Variants in ANKRD28 observed in about 807,000 individuals in gnomAD.
ANKRD28 encodes serine/threonine-protein phosphatase 6 regulatory ankyrin repeat subunit A.
ANKRD28 carries 44 observed loss-of-function variants against 126.5 expected under a neutral mutation model. That is an observed-to-expected ratio of 0.35 (90% CI 0.27 to 0.45). The LOEUF (loss-of-function observed/expected upper bound fraction) is 0.45. Ranked by LOEUF, ANKRD28 falls within the 20% of genes least tolerant of loss-of-function variation. The probability of loss-of-function intolerance (pLI) is 1.00; values close to 1 mark genes in which losing one functional copy is unlikely to be tolerated. For synonymous variants in ANKRD28, 442 were observed against 468.5 expected (o/e 0.94, Z 0.73); for missense variants, 1,110 against 1,316.6 (o/e 0.84, Z 2.43).
intron 13 of ANKRD28, 83 bp from the exon 14 acceptor site, chr3:15,708,147 C>G (rs2071719961): frequency 5.6e-6 from 8 of 1,436,080 alleles, no homozygotes; most frequent in Non-Finnish European, 7.6e-6. Context: ...CTTACTCCTC[C>G]CAGTTACAAA....
intron 1 of ANKRD28, among the ~76,000 whole-genome samples, chr3:15,823,947 A>G (rs2061002276): frequency 2.0e-5 from 3 of 152,198 alleles, no homozygotes; most frequent in Non-Finnish European, 2.9e-5. Context: ...CCCACAGCTA[A>G]TATCACAGTT....
chr3:15,698,055 A>G (rs1196225589), intron 14 of ANKRD28, among the ~76,000 whole-genome samples: 4 of 151,348 alleles, frequency 2.6e-5, no homozygotes, highest in Non-Finnish European at 4.4e-5. Context: ...TGTAGTTTGT[A>G]TTTCTTTGAG....
intron 3 of ANKRD28, among the ~76,000 whole-genome samples, chr3:15,752,502 T>C (rs2057919619): frequency 6.6e-6 from 1 of 152,206 alleles, no homozygotes; most frequent in Non-Finnish European, 1.5e-5. Context: ...AAAATTTACA[T>C]TATTCGAGGA....
intron 2 of ANKRD28, among the ~76,000 whole-genome samples, chr3:15,777,649 A>G (rs1046263960): frequency 3.3e-5 from 5 of 152,208 alleles, no homozygotes; most frequent in Non-Finnish European, 4.4e-5. Context: ...CAATTAAGCT[A>G]AACAGGCTTC....
chr3:15,747,394 C>T (rs1479259163), intron 4 of ANKRD28, among the ~76,000 whole-genome samples: 1 of 151,966 alleles, frequency 6.6e-6, no homozygotes, highest in African/African-American at 2.4e-5. Context: ...ATAGGTTGTG[C>T]CACTATTATT....
intron 12 of ANKRD28, among the ~76,000 whole-genome samples, chr3:15,710,172 C>T (rs2072047854): frequency 6.6e-6 from 1 of 152,068 alleles, no homozygotes; most frequent in Non-Finnish European, 1.5e-5. Flanking sequence ...AGTAGTTAAG[C>T]TTACAGCTGT....
chr3:15,763,389 G>T (rs1258581189), intron 3 of ANKRD28, among the ~76,000 whole-genome samples: 1 of 152,168 alleles, frequency 6.6e-6, no homozygotes, highest in Non-Finnish European at 1.5e-5. Context: ...AGCTTATATT[G>T]CTATAATCAC....
chr3:15,746,025 A>C (rs1373363421), intron 4 of ANKRD28, among the ~76,000 whole-genome samples: 1 of 152,186 alleles, frequency 6.6e-6, no homozygotes, highest in Non-Finnish European at 1.5e-5. Flanking sequence ...CCATTAGTGT[A>C]TAGCAGAACT....
At chr3:15,683,681 T>C (rs1381416305) in intron 21 of ANKRD28, 1 of 152,160 alleles carries the variant, frequency 6.6e-6, no homozygotes, top group Non-Finnish European at 1.5e-5. Context: ...GGCAAAAGAA[T>C]ACAACTCCCA....
Position 15,670,333 on chromosome 3 carries a change from C to T in ANKRD28, c.3189G>A (p.Gly1063=), listed in dbSNP as rs750330289. ...SSYCSFNNIG[G]EQEYLYTDVD... is the part of the protein sequence containing the mutation. ...CGTCAGTGTATAAGTACTCCTGTTC[C>T]CCTCCAATGTTATTGAAACTGCAAT... is the stretch of plus-strand genomic sequence containing the variant. Residue 1063 remains glycine (G), a synonymous_variant, in exon 28 of 28, where the codon GGG becomes GGA. Coordinates refer to ENST00000683139, the MANE Select transcript of ANKRD28 (RefSeq NM_001349278.2). The T allele has an allele frequency of 5.6e-6, 9 of 1,613,970 alleles. No homozygotes were observed. The East Asian group carries it at 2.0e-4, about 36-fold the overall frequency.
exon 1 of ANKRD28, chr3:15,859,405 G>A: frequency 1.3e-6 from 2 of 1,527,016 alleles, no homozygotes; most frequent in African/African-American, 1.4e-5. Context: ...GAACGCCATG[G>A]CGGTCGCCTC....
intron 3 of ANKRD28, among the ~76,000 whole-genome samples, chr3:15,755,053 T>C (rs1424739407): frequency 6.6e-6 from 1 of 151,994 alleles, no homozygotes. Context: ...CACTTGAACC[T>C]GGGAGGTGGA....
intron 4 of ANKRD28, among the ~76,000 whole-genome samples, chr3:15,749,703 G>GT (rs1310987368): frequency 5.9e-5 from 9 of 152,216 alleles, no homozygotes; most frequent in Non-Finnish European, 4.4e-5. Context: ...TTGATGTGGT[G>GT]TTCTCCCACT....
intron 1 of ANKRD28, among the ~76,000 whole-genome samples, chr3:15,852,013 G>A (rs2125996892): frequency 6.6e-6 from 1 of 152,324 alleles, no homozygotes; most frequent in South Asian, 2.1e-4. Context: ...AACAGGAAAA[G>A]TCTACAGAGA....
chr3:15,849,907 T>C (rs1335984322), intron 1 of ANKRD28, among the ~76,000 whole-genome samples: 1 of 152,062 alleles, frequency 6.6e-6, no homozygotes. Context: ...ATCTGCCTGG[T>C]GTCAATGTGG....
chr3:15,749,101 G>GTTT (rs869266246), intron 4 of ANKRD28, among the ~76,000 whole-genome samples: 4 of 53,078 alleles, frequency 7.5e-5, no homozygotes, highest in Non-Finnish European at 1.9e-4. Context: ...TTATGTTTTT[G>GTTT]TTTTTTTTTT....
At chr3:15,720,076 C>T (rs1280686556) in intron 8 of ANKRD28, among the ~76,000 whole-genome samples, 1 of 151,968 alleles carries the variant, frequency 6.6e-6, no homozygotes, top group African/African-American at 2.4e-5. Flanking sequence ...GCTGTCCAGG[C>T]TAGTCCTGAA....
intron 8 of ANKRD28, among the ~76,000 whole-genome samples, chr3:15,719,086 T>C (rs1377834174): frequency 6.6e-6 from 1 of 152,206 alleles, no homozygotes; most frequent in African/African-American, 2.4e-5. Context: ...TAAAAACTTT[T>C]AAAAAGATGG....
intron 1 of ANKRD28, among the ~76,000 whole-genome samples, chr3:15,855,599 A>G (rs111434370): frequency 2.6e-5 from 4 of 152,250 alleles, no homozygotes; most frequent in Admixed American, 6.5e-5. Context: ...ATTCCTAAAC[A>G]TGATACAAAA....
Sources: gnomAD v4.1 joint callset for allele counts (sites outside exome capture counted in the v4.1 genomes callset) on GRCh38, gnomAD v4.1.1 for gene constraint, MANE v1.5 for transcripts, NCBI Gene and HGNC (gene_info 2026-07-23, HGNC 2026-07-21) for gene names.